Variants in SPICE1 observed in about 807,000 individuals in gnomAD.
SPICE1 encodes the protein spindle and centriole-associated protein 1.
A neutral mutation model predicts 102.7 loss-of-function variants in SPICE1; 75 were observed. The observed-to-expected ratio is 0.73, with a 90% CI of 0.61 to 0.88. The LOEUF is 0.88. Among genes scored for constraint, SPICE1 ranks in the 40% least tolerant of loss-of-function variants. SPICE1 has a pLI of 0.00. For synonymous variants in SPICE1, 308 were observed against 350.3 expected (o/e 0.88, Z 1.35); for missense variants, 979 against 1,020.1 (o/e 0.96, Z 0.55).
At chr3:113,457,024 G>T in intron 13 of SPICE1, 112 bp downstream of exon 13, 1 of 1,024,870 alleles carries the variant, frequency 9.8e-7, no homozygotes, top group Non-Finnish European at 1.4e-6. Flanking sequence ...AAGGCTATGT[G>T]TGGTAATCAG....
Position 113,482,430 on chromosome 3 carries a change from A to G in SPICE1, c.611+6515T>C, listed in dbSNP as rs1054952537. ...TAGTTTAATTAGATCCTCTTTGTCA[A>G]TTTTGGCTTTTGTTGCCGTTGCTTT... On this transcript the variant is annotated intron_variant, in intron 7 of 17. Coordinates refer to ENST00000295872, the MANE Select transcript of SPICE1 (RefSeq NM_144718.4). Among the ~76,000 whole-genome samples the G allele has an allele frequency of 3.9e-5, 6 of 152,102 alleles. No homozygotes were observed. The South Asian group carries it at 6.2e-4, about 16-fold the overall frequency.
chr3:113,457,325 G>A lies in SPICE1; in HGVS notation c.1468C>T (p.Pro490Ser), dbSNP rs761648875. The A allele has an allele frequency of 6.2e-7, 1 of 1,614,164 alleles. No individual in the cohort carries two copies. The highest frequency in any genetic ancestry group is 8.5e-7 in the Non-Finnish European group (1 of 1,180,036). Reference protein sequence around the residue: ...RPVVNANVSVPLMFREEVAEF... With the variant: ...RPVVNANVSVSLMFREEVAEF... The stretch of plus-strand genomic sequence containing the variant: ...GCCACTTCCTCTCTGAACATCAATG[G>A]CACTGAGACATTGGCATTTACAACT... The change falls in exon 13 of 18, where the codon CCA becomes TCA. Residue 490 changes from proline to serine, a missense_variant. Pro to Ser is a moderately conservative substitution (Grantham distance 74, BLOSUM62 -1). Transcript: ENST00000295872.
At chr3:113,460,299 G>A (rs1381892595) in intron 12 of SPICE1, 18 of 948,592 alleles carry the variant, frequency 1.9e-5, no homozygotes, top group Non-Finnish European at 2.3e-5. Context: ...CTTTCTACCT[G>A]TATGACTTTG....
rs1326319176 is a variant in SPICE1 at position 113,444,290 on chromosome 3, A to C, written c.*1017T>G. Reference sequence around the variant, plus strand: ...CAAGGCAGGTGGATCATTTGAGGTCAGGAGTTCGAGATCAGCCTGGCCAAC... The same window carrying C: ...CAAGGCAGGTGGATCATTTGAGGTCCGGAGTTCGAGATCAGCCTGGCCAAC... On this transcript the variant is annotated 3_prime_UTR_variant, in exon 18 of 18. Coordinates refer to ENST00000295872, the MANE Select transcript of SPICE1 (RefSeq NM_144718.4). 1 of 152,264 alleles carries C rather than the reference A, an allele frequency of 6.6e-6. No homozygotes were observed. Among genetic ancestry groups the C allele is most frequent in the Non-Finnish European group, 1.5e-5 (1 of 68,076 alleles). The allele number at this position is 152,264 out of a possible 1,614,324, so 9.4% of individuals were successfully genotyped here.
intron 4 of SPICE1, among the ~76,000 whole-genome samples, chr3:113,496,408 TC>T (rs1032361866): frequency 1.7e-4 from 21 of 126,598 alleles, no homozygotes; most frequent in Admixed American, 1.1e-3. Context: ...TTTCAAAGGA[TC>T]CCAGTCTCTA....
chr3:113,513,709 GC>G (rs1937263861), intron 1 of SPICE1, among the ~76,000 whole-genome samples: 1 of 151,986 alleles, frequency 6.6e-6, no homozygotes, highest in Admixed American at 6.6e-5. Flanking sequence ...AATCTCTCTT[GC>G]CCGCTCTTCT....
At chr3:113,460,130 A>G (rs746708306) in intron 12 of SPICE1, 1 of 985,350 alleles carries the variant, frequency 1.0e-6, no homozygotes, top group Admixed American at 6.1e-5. Context: ...CATGAGATGA[A>G]GGAAGAATTT....
At chr3:113,510,468 C>A (rs1373220481) in intron 1 of SPICE1, among the ~76,000 whole-genome samples, 1 of 152,140 alleles carries the variant, frequency 6.6e-6, no homozygotes, top group African/African-American at 2.4e-5. Context: ...AATAAGACTG[C>A]ACATCTACAA....
intron 1 of SPICE1, 84 bp from the exon 2 acceptor site, chr3:113,506,689 A>C: frequency 9.4e-7 from 1 of 1,066,660 alleles, no homozygotes; most frequent in Admixed American, 2.6e-5. Flanking sequence ...ACCTGAAAAA[A>C]AAAACAAATT....
intron 13 of SPICE1, 77 bp downstream of exon 13, chr3:113,457,059 T>G (rs938259442): frequency 1.2e-4 from 169 of 1,391,632 alleles, no homozygotes; most frequent in Middle Eastern, 4.3e-4. Flanking sequence ...CTGTTTTTCA[T>G]GTAATGGTGA....
At chr3:113,506,657 C>T in intron 1 of SPICE1, 52 bp from the exon 2 acceptor site, 1 of 1,440,788 alleles carries the variant, frequency 6.9e-7, no homozygotes, top group Non-Finnish European at 9.6e-7. Flanking sequence ...AAACAATAAG[C>T]ATCACCAGAG....
At chr3:113,483,496 T>C (rs1046335188) in intron 7 of SPICE1, among the ~76,000 whole-genome samples, 2 of 150,464 alleles carry the variant, frequency 1.3e-5, no homozygotes, top group Middle Eastern at 3.4e-3. Context: ...GCCCATCCAG[T>C]ATTCTATTGG....
intron 7 of SPICE1, among the ~76,000 whole-genome samples, chr3:113,476,372 G>C (rs376477297): frequency 4.0e-5 from 6 of 151,198 alleles, no homozygotes; most frequent in African/African-American, 1.2e-4. Context: ...AGGTAATTTA[G>C]AGATTCAATG....
intron 7 of SPICE1, among the ~76,000 whole-genome samples, chr3:113,473,969 C>G (rs1458237445): frequency 6.6e-6 from 1 of 152,036 alleles, no homozygotes; most frequent in Non-Finnish European, 1.5e-5. Flanking sequence ...ACTAAATGCT[C>G]CAATTAAAAG....
rs559228867 is a variant in SPICE1, at chr3:113,477,232, T to C, written c.612-7994A>G. Among the ~76,000 whole-genome samples, 12 of 152,084 alleles carry C rather than the reference T, an allele frequency of 7.9e-5. No individual in the cohort carries two copies. In the South Asian group the frequency reaches 2.1e-3, roughly 26 times the overall value. On this transcript the variant is annotated intron_variant, in intron 7 of 17. Coordinates refer to ENST00000295872, the MANE Select transcript of SPICE1 (RefSeq NM_144718.4). ...AGAGAAATGCAAATCAAAACCACAA[T>C]GAGATATCATCTCACACCAGTTAGA...
chr3:113,468,061 G>T, intron 10 of SPICE1, 78 bp downstream of exon 10: 1 of 1,525,354 alleles, frequency 6.6e-7, no homozygotes, highest in Non-Finnish European at 8.8e-7. Context: ...TTTATTTGGA[G>T]GTTGCAATAA....
intron 12 of SPICE1, 56 bp from the exon 13 acceptor site, chr3:113,457,413 A>G (rs911144352): frequency 1.3e-6 from 2 of 1,549,386 alleles, no homozygotes; most frequent in African/African-American, 2.7e-5. Context: ...CTATGAGCAC[A>G]TTTCAGGTAT....
chr3:113,510,253 CAGAATT>C (rs1553771200), intron 1 of SPICE1, among the ~76,000 whole-genome samples: 1 of 152,140 alleles, frequency 6.6e-6, no homozygotes, highest in Non-Finnish European at 1.5e-5. Flanking sequence ...AACATCTTCA[CAGAATT>C]AGAAAAAACT....
Position 113,468,970 on chromosome 3 carries a change from A to T in SPICE1, c.752-71T>A, listed in dbSNP as rs1007678702. On this transcript the variant is annotated intron_variant, in intron 8 of 17. Coordinates refer to ENST00000295872, the MANE Select transcript of SPICE1 (RefSeq NM_144718.4). ...CTTAAGAAAGTATTTCAATTGACAG[A>T]TCCATCAGTATTTTAGTCAATTAGG... is the stretch of plus-strand genomic sequence containing the variant. 20 of 1,567,186 alleles carry T rather than the reference A, an allele frequency of 1.3e-5. No individual in the cohort carries two copies. In the South Asian group the frequency reaches 1.9e-4, roughly 15 times the overall value.
Sources: gnomAD v4.1 joint callset for allele counts (sites outside exome capture counted in the v4.1 genomes callset) on GRCh38, gnomAD v4.1.1 for gene constraint, MANE v1.5 for transcripts, NCBI Gene and HGNC (gene_info 2026-07-23, HGNC 2026-07-21) for gene names.